ESR1: variants seen among roughly 807,000 people sequenced by gnomAD.
ESR1 encodes estrogen receptor 1, also known as estrogen receptor.
A neutral mutation model predicts 52.7 loss-of-function variants in ESR1; 12 were observed. The observed-to-expected ratio is 0.23, with a 90% confidence interval of 0.15 to 0.37. The LOEUF (loss-of-function observed/expected upper bound fraction) is 0.37. Ranked by LOEUF, ESR1 falls within the 10% of genes least tolerant of loss-of-function variation. The pLI is 1.00. For missense variants in ESR1, 584 were observed against 779.7 expected, an observed-to-expected ratio of 0.75 and a Z score of 2.99; for synonymous variants, 305 against 316.8, an observed-to-expected ratio of 0.96 and a Z score of 0.39.
At chr6:152,115,482 CCTA>C (rs2051200009) in intron 6 of ESR1, among the ~76,000 whole-genome samples, 1 of 151,952 alleles carries the variant, frequency 6.6e-6, no homozygotes, top group African/African-American at 2.4e-5. Flanking sequence ...AGATTATAGA[CCTA>C]CTAGAAGAAA....
Position 151,669,425 on chromosome 6 carries a change from C to G in ESR1, n.73+12662C>G, listed in dbSNP as rs961966404. Among the ~76,000 whole-genome samples, 8 of 152,018 alleles carry G rather than the reference C, an allele frequency of 5.3e-5. No homozygotes were observed. In the South Asian group the frequency reaches 6.2e-4, roughly 12 times the overall value. On this transcript the variant is annotated intron_variant and non_coding_transcript_variant, in intron 1 of 2. Transcript: ENST00000473497. ...AAGGACAATGATGTCCTCGAGAAAC[C>G]TGCTCATGAAACCTGCTCAAGAAAC...
intron 2 of ESR1, among the ~76,000 whole-genome samples, chr6:151,759,245 A>G (rs1784487984): frequency 6.8e-6 from 1 of 147,206 alleles, no homozygotes; most frequent in Non-Finnish European, 1.5e-5. Context: ...ACTGCACTCC[A>G]GCATGGCGAC....
At chr6:151,742,104 C>T (rs1783141211) in intron 2 of ESR1, among the ~76,000 whole-genome samples, 1 of 152,148 alleles carries the variant, frequency 6.6e-6, no homozygotes, top group Admixed American at 6.6e-5. Context: ...TGGCAAATGG[C>T]AAGATCTCAT....
At chr6:151,899,333 G>A (rs1796178536) in intron 3 of ESR1, among the ~76,000 whole-genome samples, 2 of 125,914 alleles carry the variant, frequency 1.6e-5, no homozygotes, top group Admixed American at 1.6e-4. Flanking sequence ...GGACGGGGCG[G>A]CTGGCCAGGC....
At chr6:151,970,094 G>T (rs532322326) in intron 4 of ESR1, among the ~76,000 whole-genome samples, 91 of 152,032 alleles carry the variant, frequency 6.0e-4, no homozygotes, top group African/African-American at 2.1e-3. Context: ...CCCCGGAAAG[G>T]CCCTTACCAT....
At chr6:152,104,532 G>A (rs553620375), downstream of ESR1, among the ~76,000 whole-genome samples, 5 of 152,042 alleles carry the variant, frequency 3.3e-5, no homozygotes, top group African/African-American at 4.8e-5. Flanking sequence ...CGTTATTATC[G>A]TTTTGTACAT....
In ESR1 at chr6:152,011,897, A is replaced by G. The variant is rs117509702; in HGVS notation, c.1235+103A>G. 22,367 of 1,294,784 alleles carry G rather than the reference A, an allele frequency of 0.017. 239 individuals carry two copies. Among genetic ancestry groups the G allele is most frequent in the Non-Finnish European group, 0.02 (18,058 of 917,140 alleles). 80.2% of individuals were successfully genotyped at this position (1,294,784 alleles called of 1,614,324 possible). On this transcript the variant is annotated intron_variant, in intron 5 of 7. Transcript: ENST00000206249. ...TCTCGGTGAAGCTTCAGAGAACTTT[A>G]TTAGGTATGTTTACTTAACAAAAGA...
At chr6:152,044,451 G>T (rs1481637738) in intron 5 of ESR1, among the ~76,000 whole-genome samples, 1 of 152,170 alleles carries the variant, frequency 6.6e-6, no homozygotes, top group Non-Finnish European at 1.5e-5. Flanking sequence ...ATAAAAGGCA[G>T]TTTATTAAGG....
chr6:152,013,841 T>C (rs1441677817), intron 5 of ESR1, among the ~76,000 whole-genome samples: 1 of 152,144 alleles, frequency 6.6e-6, no homozygotes. Context: ...GATTTGTCAG[T>C]CTCTTTACTA....
At chr6:152,122,168 A>G in intron 6 of ESR1, 1 of 501,016 alleles carries the variant, frequency 2.0e-6, no homozygotes, top group Non-Finnish European at 3.6e-6. Context: ...GGAACTTTGG[A>G]GGTCCTTACT....
At chr6:151,748,537 C>T (rs1185363481) in intron 2 of ESR1, among the ~76,000 whole-genome samples, 8 of 152,110 alleles carry the variant, frequency 5.3e-5, no homozygotes, top group African/African-American at 7.2e-5. Flanking sequence ...TAATGCCATG[C>T]GCATCCACAA....
chr6:151,883,379 C>T (rs913047233), intron 3 of ESR1, among the ~76,000 whole-genome samples: 6 of 152,046 alleles, frequency 3.9e-5, no homozygotes, highest in East Asian at 2.0e-4. Context: ...CCGCCCACCT[C>T]GGCTTCCTAA....
intron 5 of ESR1, among the ~76,000 whole-genome samples, chr6:152,033,679 CTT>C (rs2044969604): frequency 6.6e-6 from 1 of 152,152 alleles, no homozygotes; most frequent in Non-Finnish European, 1.5e-5. Flanking sequence ...AATAGGAAGA[CTT>C]TTACACTGTT....
chr6:151,763,256 C>A (rs1007776807), intron 2 of ESR1, among the ~76,000 whole-genome samples: 1 of 151,598 alleles, frequency 6.6e-6, no homozygotes, highest in African/African-American at 2.4e-5. Context: ...TCACTACCTG[C>A]CACTCTGAGA....
At chr6:151,989,756 A>G (rs1184748294) in intron 4 of ESR1, among the ~76,000 whole-genome samples, 1 of 152,124 alleles carries the variant, frequency 6.6e-6, no homozygotes, top group Non-Finnish European at 1.5e-5. Context: ...TATCTATATT[A>G]GTTTTAATAT....
At chr6:151,746,562 A>G (rs1315797893) in intron 2 of ESR1, among the ~76,000 whole-genome samples, 1 of 152,226 alleles carries the variant, frequency 6.6e-6, no homozygotes, top group Non-Finnish European at 1.5e-5. Flanking sequence ...AGCTGATATG[A>G]TAGTGATTAC....
At chr6:151,953,250 T>A (rs1202697590) in intron 4 of ESR1, among the ~76,000 whole-genome samples, 1 of 152,084 alleles carries the variant, frequency 6.6e-6, no homozygotes, top group African/African-American at 2.4e-5. Context: ...CTAACCTCTC[T>A]GTGCCCTAAG....
chr6:151,873,703 C>A (rs1475563682), intron 2 of ESR1, among the ~76,000 whole-genome samples: 1 of 152,148 alleles, frequency 6.6e-6, no homozygotes, highest in African/African-American at 2.4e-5. Context: ...TTCCTTTGGC[C>A]AAATATGTAT....
chr6:151,888,586 G>T (rs929135960), intron 3 of ESR1, among the ~76,000 whole-genome samples: 2 of 151,984 alleles, frequency 1.3e-5, no homozygotes, highest in African/African-American at 4.8e-5. Context: ...ATACTTACAT[G>T]ATCTATGTGT....
Sources: allele counts gnomAD v4.1 joint callset (sites outside exome capture counted in the v4.1 genomes callset), GRCh38; gene constraint gnomAD v4.1.1; transcripts MANE v1.5; gene names NCBI Gene and HGNC (gene_info 2026-07-23, HGNC 2026-07-21).